Variants in DYNC2I1 observed in about 807,000 individuals in gnomAD.
DYNC2I1 encodes cytoplasmic dynein 2 intermediate chain 1.
DYNC2I1 carries 89 observed loss-of-function variants against 133.4 expected under a neutral mutation model. The ratio of observed to expected loss-of-function variants is 0.67; its 90% confidence interval spans 0.56 to 0.80. The LOEUF is 0.80. Ranked by LOEUF, DYNC2I1 falls within the 30% of genes least tolerant of loss-of-function variation. The pLI is 0.00. For missense variants in DYNC2I1, 1,291 were observed against 1,314.5 expected (o/e 0.98, Z 0.28); for synonymous variants, 504 against 484.3 (o/e 1.04, Z -0.54).
Position 158,945,847 on chromosome 7 carries a change from T to C in DYNC2I1, c.*68T>C. ...TTAAAAGACATAAGGTGGATAATTC[T>C]ACATTTGTGTGCAAGTATATTTATG... is the stretch of plus-strand genomic sequence containing the variant. On this transcript the variant is annotated 3_prime_UTR_variant, in exon 25 of 25. Coordinates refer to ENST00000407559, the MANE Select transcript of DYNC2I1 (RefSeq NM_018051.5). This position sits in a 1 kb window ranked among gnomAD's most constrained non-coding sequence, Gnocchi z 4.1. The C allele has an allele frequency of 2.1e-6, 3 of 1,395,748 alleles. No individual in the cohort carries two copies. Among genetic ancestry groups the C allele is most frequent in the Non-Finnish European group, 2.8e-6 (3 of 1,054,216 alleles). The allele number at this position is 1,395,748 out of a possible 1,614,324, so 86.5% of individuals were successfully genotyped here. A position where few individuals can be genotyped will look rare whatever the true frequency, so the allele number is the denominator to read the frequency against.
intron 1 of DYNC2I1, among the ~76,000 whole-genome samples, chr7:158,858,600 T>C (rs1202828614): frequency 1.3e-5 from 2 of 152,150 alleles, no homozygotes; most frequent in African/African-American, 4.8e-5. Context: ...TAGTGTCATA[T>C]TACCTGTTTA....
At chr7:158,930,316 T>G in intron 20 of DYNC2I1, 139 bp from the exon 21 acceptor site, 1 of 772,076 alleles carries the variant, frequency 1.3e-6, no homozygotes, top group Non-Finnish European at 2.3e-6. Flanking sequence ...AAGGGAGGGA[T>G]GCTGTGTATT....
At chr7:158,950,383 C>CACTGGG, downstream of DYNC2I1, among the ~76,000 whole-genome samples, 1 of 152,136 alleles carries the variant, frequency 6.6e-6, no homozygotes, top group East Asian at 1.9e-4. Context: ...CAGGTGTGAG[C>CACTGGG]ACCAGGACCA....
At chr7:158,931,810 A>G (rs1850244942) in intron 21 of DYNC2I1, among the ~76,000 whole-genome samples, 1 of 152,212 alleles carries the variant, frequency 6.6e-6, no homozygotes, top group African/African-American at 2.4e-5. Flanking sequence ...AGTGGGGAGC[A>G]TCCTCCGTCA....
At chr7:158,874,078 A>C (rs115022528) in intron 3 of DYNC2I1, among the ~76,000 whole-genome samples, 5 of 151,596 alleles carry the variant, frequency 3.3e-5, no homozygotes, top group African/African-American at 1.2e-4. Context: ...ATAATTAAAA[A>C]AAATTGTTTG....
chr7:158,848,187 A>G, the DYNC2I1 span, among the ~76,000 whole-genome samples: 1 of 152,168 alleles, frequency 6.6e-6, no homozygotes, highest in Non-Finnish European at 1.5e-5. Context: ...TTGCCACTAT[A>G]AGGTCTGTTT....
downstream of DYNC2I1, among the ~76,000 whole-genome samples, chr7:158,958,537 A>G (rs1852257869): frequency 6.6e-6 from 1 of 152,204 alleles, no homozygotes; most frequent in African/African-American, 2.4e-5. Context: ...GGCTTCACAC[A>G]CTAGAAAGCT....
intron 15 of DYNC2I1, among the ~76,000 whole-genome samples, chr7:158,920,105 C>T (rs909786330): frequency 1.5e-4 from 23 of 149,612 alleles, no homozygotes; most frequent in African/African-American, 3.5e-4. Flanking sequence ...TCGGGGAACA[C>T]GTGAAGTGTG....
At chr7:158,914,941 T>G (rs1247738272) in intron 14 of DYNC2I1, among the ~76,000 whole-genome samples, 1 of 152,272 alleles carries the variant, frequency 6.6e-6, no homozygotes, top group Non-Finnish European at 1.5e-5. Context: ...TGCAGTCAGA[T>G]ATGAAGTTGG....
intron 8 of DYNC2I1, among the ~76,000 whole-genome samples, chr7:158,896,120 T>G (rs1169135965): frequency 2.6e-5 from 4 of 152,208 alleles, no homozygotes; most frequent in Non-Finnish European, 4.4e-5. Context: ...TAGTTAGAAC[T>G]TCCAGCATGA....
chr7:158,849,120 G>T, the DYNC2I1 span, among the ~76,000 whole-genome samples: 1 of 152,178 alleles, frequency 6.6e-6, no homozygotes, highest in East Asian at 1.9e-4. Context: ...CCTTGGCTCA[G>T]CTCCCTGTTG....
intron 4 of DYNC2I1, among the ~76,000 whole-genome samples, chr7:158,878,085 G>A (rs1843542042): frequency 6.6e-6 from 1 of 150,762 alleles, no homozygotes; most frequent in African/African-American, 2.5e-5. Flanking sequence ...GGCCAGGAGG[G>A]CCGACAGTGA....
intron 11 of DYNC2I1, among the ~76,000 whole-genome samples, chr7:158,909,021 G>A (rs562006496): frequency 4.7e-4 from 71 of 152,146 alleles, no homozygotes; most frequent in African/African-American, 1.7e-3. Context: ...TATGGAATAG[G>A]CAAGGTATTA....
At chr7:158,952,292 C>T (rs1852078540) in intron 4 of DYNC2I1, among the ~76,000 whole-genome samples, 2 of 152,194 alleles carry the variant, frequency 1.3e-5, no homozygotes, top group South Asian at 4.1e-4. Flanking sequence ...CCCCAGTGAG[C>T]ACGGGAGGAG....
chr7:158,941,424 G>A (rs1249359624), intron 23 of DYNC2I1, among the ~76,000 whole-genome samples: 2 of 152,198 alleles, frequency 1.3e-5, no homozygotes, highest in Non-Finnish European at 2.9e-5. Context: ...GGAAGAGAAA[G>A]TGTATCAGAG....
At chr7:158,886,606 A>T (rs868238193) in intron 6 of DYNC2I1, among the ~76,000 whole-genome samples, 8 of 152,116 alleles carry the variant, frequency 5.3e-5, no homozygotes, top group Admixed American at 1.3e-4. Context: ...ACAGTTTTTT[A>T]AAAAAATTAT....
chr7:158,913,624 A>C (rs1167677543), intron 13 of DYNC2I1, among the ~76,000 whole-genome samples: 1 of 152,094 alleles, frequency 6.6e-6, no homozygotes, highest in Admixed American at 6.6e-5. Context: ...GATGTATATT[A>C]CTCCCTTTTC....
chr7:158,925,826 T>G (rs1335838045), intron 17 of DYNC2I1, among the ~76,000 whole-genome samples: 1 of 152,120 alleles, frequency 6.6e-6, no homozygotes, highest in African/African-American at 2.4e-5. Flanking sequence ...CTCCTTCCCC[T>G]CAGTTGTTTG....
At chr7:158,875,099 T>TTC (rs1843230827) in intron 3 of DYNC2I1, among the ~76,000 whole-genome samples, 1 of 149,550 alleles carries the variant, frequency 6.7e-6, no homozygotes, top group African/African-American at 2.5e-5. Flanking sequence ...GCCTTTTTTT[T>TTC]TTTTTTTTTT....
Sources: gnomAD v4.1 joint callset for allele counts (sites outside exome capture counted in the v4.1 genomes callset) on GRCh38, gnomAD v4.1.1 for gene constraint, Gnocchi (gnomAD v3.1) non-coding constraint, MANE v1.5 for transcripts, NCBI Gene and HGNC (gene_info 2026-07-23, HGNC 2026-07-21) for gene names.